CCDC171: variants seen among roughly 807,000 people sequenced by gnomAD.
CCDC171 encodes the protein coiled-coil domain containing 171, also known as coiled-coil domain-containing protein 171.
A neutral mutation model predicts 168.2 loss-of-function variants in CCDC171; 177 were observed. The ratio of observed to expected loss-of-function variants is 1.05; its 90% CI spans 0.93 to 1.19. The LOEUF is 1.19. Among genes scored for constraint, CCDC171 ranks in the 50% most tolerant of loss-of-function variants. The pLI, the probability that CCDC171 is intolerant of heterozygous loss-of-function variation, is 0.00. For synonymous variants in CCDC171, 687 were observed against 540.8 expected, an observed-to-expected ratio of 1.27 and a Z score of -3.75; for missense variants, 1,991 against 1,539.0, an observed-to-expected ratio of 1.29 and a Z score of -4.91.
At chr9:15,835,299 T>C (rs1409239567) in intron 21 of CCDC171, among the ~76,000 whole-genome samples, 2 of 152,238 alleles carry the variant, frequency 1.3e-5, no homozygotes, top group African/African-American at 4.8e-5. Flanking sequence ...TAAAATGTTA[T>C]ATAACTGAGC....
At chr9:15,705,436 C>A (rs955366539) in intron 11 of CCDC171, among the ~76,000 whole-genome samples, 3 of 152,138 alleles carry the variant, frequency 2.0e-5, no homozygotes, top group Non-Finnish European at 4.4e-5. Context: ...CCCCTCCTTC[C>A]CTATGTTTGG....
chr9:15,597,164 C>A (rs1342231971), intron 6 of CCDC171, among the ~76,000 whole-genome samples: 1 of 151,950 alleles, frequency 6.6e-6, no homozygotes, highest in Non-Finnish European at 1.5e-5. Flanking sequence ...TTGCCCTGGC[C>A]AGAACTTCCA....
chr9:16,040,874 ACTCT>A (rs138577073), upstream of CCDC171, among the ~76,000 whole-genome samples: 29 of 152,010 alleles, frequency 1.9e-4, no homozygotes, highest in African/African-American at 7.0e-4. Flanking sequence ...CTGCAAAGAT[ACTCT>A]CTCTTTTTTT....
At chr9:15,779,523 C>T (rs1378937772) in intron 20 of CCDC171, among the ~76,000 whole-genome samples, 1 of 152,060 alleles carries the variant, frequency 6.6e-6, no homozygotes, top group African/African-American at 2.4e-5. Flanking sequence ...CCACGCCTGG[C>T]TAATTTTTGT....
At chr9:15,836,646 C>T (rs539631816) in intron 21 of CCDC171, among the ~76,000 whole-genome samples, 59 of 152,290 alleles carry the variant, frequency 3.9e-4, no homozygotes, top group African/African-American at 1.2e-3. Context: ...CCACCGCGCC[C>T]GGCCGGTCTT....
intron 11 of CCDC171, among the ~76,000 whole-genome samples, 194 bp from the exon 12 acceptor site, chr9:15,721,575 T>C (rs1282479220): frequency 6.8e-6 from 1 of 147,456 alleles, no homozygotes; most frequent in African/African-American, 2.5e-5. Flanking sequence ...TACTTGGCCA[T>C]ACAGCAGTAT....
chr9:16,044,088 G>A (rs1175384574), intron 1 of CCDC171, among the ~76,000 whole-genome samples: 3 of 152,354 alleles, frequency 2.0e-5, no homozygotes, highest in African/African-American at 7.2e-5. Context: ...TGAGATCGAT[G>A]TGTCTCCCCA....
chr9:15,599,887 T>C (rs2042695070), intron 6 of CCDC171, among the ~76,000 whole-genome samples: 1 of 152,184 alleles, frequency 6.6e-6, no homozygotes, highest in South Asian at 2.1e-4. Context: ...TCTCACTTCA[T>C]TTCATTCATT....
At chr9:15,980,384 A>G (rs748291905) in intron 3 of CCDC171, among the ~76,000 whole-genome samples, 1 of 152,134 alleles carries the variant, frequency 6.6e-6, no homozygotes, top group Admixed American at 6.6e-5. Context: ...AGGTCCCCCT[A>G]GCCCCAGTGA....
chr9:15,824,687 G>A (rs1247185240), intron 21 of CCDC171, among the ~76,000 whole-genome samples: 3 of 152,000 alleles, frequency 2.0e-5, no homozygotes, highest in South Asian at 2.1e-4. Flanking sequence ...TCTATCCTGC[G>A]AACTCTTTAA....
chr9:16,108,872 A>T, the CCDC171 span, among the ~76,000 whole-genome samples: 1 of 152,214 alleles, frequency 6.6e-6, no homozygotes, highest in Non-Finnish European at 1.5e-5. Context: ...TCCTGCAGAA[A>T]CGTGAGCCAA....
rs751214947 is a variant in CCDC171 at position 15,784,678 on chromosome 9, T to C, written c.3251T>C (p.Leu1084Pro). Residue 1084 changes from leucine (L) to proline (P), a missense_variant, in exon 21 of 26, where the codon CTT becomes CCT. Physicochemically the swap from Leu to Pro is moderately conservative, Grantham distance 98. Coordinates refer to ENST00000380701, the MANE Select transcript of CCDC171 (RefSeq NM_173550.4). ...SSEEADKNQT[L>P]GEAVKSLSEA... ...GAGGAAGCTGACAAAAACCAAACTC[T>C]TGGAGAAGCTGTTAAGGTAAGAGAA... The C allele has an allele frequency of 9.3e-6, 15 of 1,611,980 alleles. No individual in the cohort carries two copies. In the Admixed American group the frequency reaches 2.3e-4, roughly 25 times the overall value.
At chr9:15,673,982 C>CT (rs1191987447) in intron 9 of CCDC171, among the ~76,000 whole-genome samples, 3 of 151,750 alleles carry the variant, frequency 2.0e-5, no homozygotes, top group East Asian at 3.9e-4. Context: ...CAGTGCTGGG[C>CT]TTTTTTTTGG....
intron 23 of CCDC171, among the ~76,000 whole-genome samples, 186 bp from the exon 24 acceptor site, chr9:15,874,346 A>C (rs1467511526): frequency 6.6e-6 from 1 of 151,936 alleles, no homozygotes; most frequent in Admixed American, 6.6e-5. Flanking sequence ...TCTTCTTAAC[A>C]TTCTCCCCCA....
chr9:15,995,107 C>A (rs1266635345), intron 3 of CCDC171, among the ~76,000 whole-genome samples: 1 of 152,198 alleles, frequency 6.6e-6, no homozygotes, highest in South Asian at 2.1e-4. Context: ...ACCCACGCCT[C>A]TGTTCATTGC....
chr9:15,804,112 A>G (rs1207221849), intron 21 of CCDC171, among the ~76,000 whole-genome samples: 3 of 152,316 alleles, frequency 2.0e-5, no homozygotes, highest in Non-Finnish European at 2.9e-5. Flanking sequence ...GTTGCTTATC[A>G]GCTTGAGAAG....
At chr9:15,731,777 T>TA (rs1414302826) in intron 16 of CCDC171, among the ~76,000 whole-genome samples, 1 of 152,016 alleles carries the variant, frequency 6.6e-6, no homozygotes, top group African/African-American at 2.4e-5. Context: ...CAAAAGTTTC[T>TA]AAAAAATGCT....
At chr9:15,941,871 G>T (rs1410012919) in intron 25 of CCDC171, among the ~76,000 whole-genome samples, 1 of 151,820 alleles carries the variant, frequency 6.6e-6, no homozygotes, top group Non-Finnish European at 1.5e-5. Context: ...AAATTGGTTT[G>T]TTTTTACTTA....
chr9:16,028,144 G>A (rs1833308110), intron 6 of CCDC171, among the ~76,000 whole-genome samples: 1 of 152,192 alleles, frequency 6.6e-6, no homozygotes, highest in South Asian at 2.1e-4. Context: ...TGGTCTGATT[G>A]GAGCCAGGGA....
Sources: allele counts gnomAD v4.1 joint callset (sites outside exome capture counted in the v4.1 genomes callset), GRCh38; gene constraint gnomAD v4.1.1; transcripts MANE v1.5; gene names NCBI Gene and HGNC (gene_info 2026-07-23, HGNC 2026-07-21).